Variants in SAG observed in about 807,000 individuals in gnomAD.
SAG encodes the protein S-antigen visual arrestin, also known as S-arrestin.
SAG carries 45 observed loss-of-function variants against 55.0 expected under a neutral mutation model. That is an observed-to-expected ratio of 0.82 (90% CI 0.64 to 1.05). The LOEUF (loss-of-function observed/expected upper bound fraction) is 1.05, where lower values mean the gene tolerates loss of function less well. SAG is among the 50% of genes least tolerant of loss of function. The pLI is 0.00. For synonymous variants in SAG, 189 were observed against 197.4 expected (o/e 0.96, Z 0.36); for missense variants, 455 against 512.1 (o/e 0.89, Z 1.08).
At chr2:233,328,422 C>T in intron 7 of SAG, 56 bp from the exon 8 acceptor site, 1 of 1,583,472 alleles carries the variant, frequency 6.3e-7, no homozygotes, top group Non-Finnish European at 8.6e-7. Context: ...GAACAGAAGC[C>T]TCCCTAAAGC....
At chr2:233,312,802 T>G (rs1700111918) in intron 2 of SAG, among the ~76,000 whole-genome samples, 1 of 152,172 alleles carries the variant, frequency 6.6e-6, no homozygotes, top group Admixed American at 6.5e-5. Context: ...TAGAGCCTCC[T>G]CTGAAAGCAA....
chr2:233,324,089 G>A (rs1700472105), intron 6 of SAG, among the ~76,000 whole-genome samples: 1 of 152,108 alleles, frequency 6.6e-6, no homozygotes, highest in African/African-American at 2.4e-5. Flanking sequence ...CCTGCTGAGT[G>A]AGAGGAGCAA....
At chr2:233,315,281 CTTTTTTTTTTTTTTTTTTT>C (rs5839476) in intron 2 of SAG, among the ~76,000 whole-genome samples, 97 of 69,402 alleles carry the variant, frequency 1.4e-3, no homozygotes, top group Non-Finnish European at 2.3e-3. Flanking sequence ...TCCAGAAGTT[CTTTTTTTTTTTTTTTTTTT>C]TTTTTTTTTT....
At position 233,331,723 on chromosome 2, in the gene SAG, G is replaced by C; in HGVS notation, c.806+11G>C. ...TATGGAGGAAGCGCAGTGAGTAGCT[G>C]TTGGGGTTTCCGTTTCCTGGGCGTC... On this transcript the variant is annotated intron_variant, in intron 10 of 15. Transcript: ENST00000409110. The C allele has an allele frequency of 6.2e-7, 1 of 1,606,928 alleles. No homozygotes were observed. The highest frequency in any genetic ancestry group is 1.3e-5 in the African/African-American group (1 of 74,908).
chr2:233,328,203 A>C, intron 7 of SAG: 1 of 361,934 alleles, frequency 2.8e-6, no homozygotes, highest in Non-Finnish European at 5.0e-6. Flanking sequence ...AGAGCTGGGA[A>C]TCCACGGAGC....
At chr2:233,342,410 G>A (rs550497267) in intron 14 of SAG, 84 bp downstream of exon 14, 48 of 1,090,586 alleles carry the variant, frequency 4.4e-5, no homozygotes, top group East Asian at 2.1e-4. Context: ...TTTCTTGACC[G>A]CATCTCAGAG....
At chr2:233,321,986 T>TACAC (rs57822347) in intron 5 of SAG, among the ~76,000 whole-genome samples, 2,814 of 133,266 alleles carry the variant, frequency 0.021, 40 homozygotes, top group Middle Eastern at 0.029. Flanking sequence ...CTACTAAAAA[T>TACAC]ACACACACAC....
chr2:233,345,155 C>T (rs889725333), intron 14 of SAG: 4 of 152,260 alleles, frequency 2.6e-5, no homozygotes, highest in South Asian at 2.1e-4. Flanking sequence ...GGGCAGAAAG[C>T]TAAAAAAGTA....
chr2:233,331,604 A>G (rs2125340536), intron 9 of SAG, 36 bp from the exon 10 acceptor site: 3 of 1,397,972 alleles, frequency 2.1e-6, no homozygotes, highest in East Asian at 4.6e-5. Flanking sequence ...TTGGGGGACC[A>G]GTGCTGACCA....
intron 2 of SAG, among the ~76,000 whole-genome samples, chr2:233,311,390 G>A (rs557102134): frequency 3.3e-5 from 5 of 152,234 alleles, no homozygotes; most frequent in African/African-American, 7.2e-5. Flanking sequence ...TCTTTCCCAA[G>A]ACTCTTCTCT....
rs6728183 is a variant in SAG, at chr2:233,328,215, T to C, written c.513-263T>C. 0.21 allele frequency: 83,221 copies of C among 390,624 alleles called. 12,491 individuals carry two copies. The highest frequency in any genetic ancestry group is 0.54 in the African/African-American group (26,432 of 48,758). The allele number at this position is 390,624 out of a possible 1,614,324, so 24.2% of individuals were successfully genotyped here. ...GGCAGAGCTGGGAATCCACGGAGCC[T>C]AAGGGGCTAAGCTTGGCCCTCGGGA... On this transcript the variant is annotated intron_variant, in intron 7 of 15. Transcript: ENST00000409110.
At position 233,346,068 on chromosome 2, in the gene SAG, T is replaced by C. The variant is rs535196884; in HGVS notation, c.1103-335T>C. 1.7e-3 allele frequency: 270 copies of C among 156,852 alleles called. 1 individual carries two copies. Among genetic ancestry groups the C allele is most frequent in the Non-Finnish European group, 2.9e-3 (209 of 71,856 alleles). 9.7% of individuals were successfully genotyped at this position (156,852 alleles called of 1,614,324 possible). ...CTTGGGAGCCTGAGACACGAGAAAC[T>C]CTTGAAACCAGGAGGCAAAGGTTGC... is the stretch of plus-strand genomic sequence containing the variant. On this transcript the variant is annotated intron_variant, in intron 14 of 15. Transcript: ENST00000409110.
At chr2:233,323,039 A>G in intron 6 of SAG, 34 bp downstream of exon 6, 1 of 1,320,576 alleles carries the variant, frequency 7.6e-7, no homozygotes, top group South Asian at 1.3e-5. Flanking sequence ...GGTTTTATGG[A>G]TTTGTTCATT....
intron 11 of SAG, 62 bp downstream of exon 11, chr2:233,335,161 C>T: frequency 6.4e-7 from 1 of 1,563,054 alleles, no homozygotes; most frequent in South Asian, 1.2e-5. Flanking sequence ...GTCTGCTTCC[C>T]TTCACATCAC....
chr2:233,320,601 G>A (rs1700348522), intron 4 of SAG, 29 bp from the exon 5 acceptor site: 4 of 1,540,944 alleles, frequency 2.6e-6, no homozygotes, highest in Non-Finnish European at 3.5e-6. Flanking sequence ...CGAGGGCCAA[G>A]TCCGACCCTG....
At chr2:233,322,882 A>G (rs375766226) in intron 5 of SAG, 64 bp from the exon 6 acceptor site, 1 of 940,820 alleles carries the variant, frequency 1.1e-6, no homozygotes, top group African/African-American at 1.7e-5. Context: ...TTACATGATT[A>G]TATATTACTT....
intron 11 of SAG, among the ~76,000 whole-genome samples, chr2:233,337,077 T>C: frequency 6.9e-6 from 1 of 145,668 alleles, no homozygotes; most frequent in African/African-American, 2.6e-5. Context: ...GCCTAGGTGA[T>C]AAAATGAGAC....
chr2:233,342,624 G>A (rs1701137900), intron 14 of SAG: 3 of 382,518 alleles, frequency 7.8e-6, no homozygotes, highest in African/African-American at 6.2e-5. Flanking sequence ...AAGCTCTGCT[G>A]TCAACAGACC....
intron 9 of SAG, chr2:233,331,431 A>C (rs1356424280): frequency 1.6e-6 from 1 of 613,306 alleles, no homozygotes; most frequent in Non-Finnish European, 2.9e-6. Flanking sequence ...GAGTTGATAC[A>C]GAGCAGGTTA....
Sources: allele counts gnomAD v4.1 joint callset (sites outside exome capture counted in the v4.1 genomes callset), GRCh38; gene constraint gnomAD v4.1.1; transcripts MANE v1.5; gene names NCBI Gene and HGNC (gene_info 2026-07-23, HGNC 2026-07-21).